Variants in VPS13A observed in about 807,000 individuals in gnomAD.
VPS13A encodes vacuolar protein sorting 13 homolog A.
A neutral mutation model predicts 390.9 loss-of-function variants in VPS13A; 264 were observed. The observed-to-expected ratio is 0.68, with a 90% CI of 0.61 to 0.75. The LOEUF (loss-of-function observed/expected upper bound fraction) is 0.75. Ranked by LOEUF, VPS13A falls within the 30% of genes least tolerant of loss-of-function variation. The pLI, the probability that VPS13A is intolerant of heterozygous loss-of-function variation, is 0.00. For missense variants in VPS13A, 3,409 were observed against 3,733.9 expected (o/e 0.91, Z 2.27); for synonymous variants, 1,231 against 1,227.1 (o/e 1.00, Z -0.07).
chr9:77,337,008 A>T (rs1222459410), intron 46 of VPS13A, among the ~76,000 whole-genome samples: 1 of 151,906 alleles, frequency 6.6e-6, no homozygotes, highest in Non-Finnish European at 1.5e-5. Context: ...CGTCTTAGCC[A>T]GGATGGTCTC....
chr9:77,315,557 A>C, intron 38 of VPS13A, 87 bp downstream of exon 38: 1 of 1,256,916 alleles, frequency 8.0e-7, no homozygotes, highest in South Asian at 1.3e-5. Flanking sequence ...AGATCATCAA[A>C]GTAAATGCTT....
intron 23 of VPS13A, among the ~76,000 whole-genome samples, chr9:77,271,019 A>G (rs769399789): frequency 3.9e-5 from 6 of 152,216 alleles, no homozygotes; most frequent in Non-Finnish European, 7.3e-5. Context: ...ATTGGACTTT[A>G]TAAAAATTAA....
chr9:77,203,766 A>G (rs1391227229), intron 3 of VPS13A, among the ~76,000 whole-genome samples: 1 of 152,178 alleles, frequency 6.6e-6, no homozygotes, highest in Non-Finnish European at 1.5e-5. Flanking sequence ...TAACCGTGTC[A>G]AATTTGTTAC....
In VPS13A at chr9:77,293,261, A is replaced by AT; in HGVS notation, c.3340-74dup. 2.3e-6 allele frequency: 3 copies of AT among 1,300,412 alleles called. No homozygotes were observed. In the Admixed American group the frequency reaches 5.5e-5, roughly 24 times the overall value. The allele number at this position is 1,300,412 out of a possible 1,614,324, so 80.6% of individuals were successfully genotyped here. On this transcript the variant is annotated intron_variant, in intron 31 of 71. Transcript: ENST00000360280. ...GGAGATTTTCTAACTATGTTTTGTT[A>AT]TTTTTTACTGTTTTATTTTTGTACT...
At position 77,321,340 on chromosome 9, in the gene VPS13A, A is replaced by T. The variant is rs1829732822; in HGVS notation, c.5574+13A>T. On this transcript the variant is annotated intron_variant, in intron 43 of 71. Coordinates refer to ENST00000360280, the MANE Select transcript of VPS13A (RefSeq NM_033305.3). ...CAATTTAGTCAAGGTAAGAAAAGAA[A>T]TTTGAAACTTTAAATATTGAGATAC... The T allele has an allele frequency of 6.3e-7, 1 of 1,598,026 alleles. No individual in the cohort carries two copies. Among genetic ancestry groups the T allele is most frequent in the Admixed American group, 1.7e-5 (1 of 59,270 alleles).
chr9:77,198,589 C>T (rs971754667), intron 1 of VPS13A, among the ~76,000 whole-genome samples: 2 of 152,098 alleles, frequency 1.3e-5, no homozygotes, highest in African/African-American at 4.8e-5. Flanking sequence ...TGCTTTTGAC[C>T]TATGAGTGTC....
chr9:77,356,629 G>A (rs912072442), intron 54 of VPS13A, 85 bp from the exon 55 acceptor site: 4 of 1,417,946 alleles, frequency 2.8e-6, no homozygotes, highest in Non-Finnish European at 2.9e-6. Flanking sequence ...TTTAGTGAAG[G>A]TATTGTAATT....
chr9:77,265,213 G>T (rs1315590105), intron 23 of VPS13A, among the ~76,000 whole-genome samples: 2 of 152,176 alleles, frequency 1.3e-5, no homozygotes, highest in Non-Finnish European at 1.5e-5. Context: ...GTTTATTGAG[G>T]ATTTTCACAT....
intron 67 of VPS13A, among the ~76,000 whole-genome samples, chr9:77,372,718 T>C (rs1832848564): frequency 6.6e-6 from 1 of 152,156 alleles, no homozygotes; most frequent in Non-Finnish European, 1.5e-5. Flanking sequence ...GACGACATGA[T>C]TGTATATCTA....
rs530199494 is a variant in VPS13A, at chr9:77,241,303, T to G, written c.1900+2917T>G. On this transcript the variant is annotated intron_variant, in intron 19 of 71. Transcript: ENST00000360280. ...CCTTCTGTAGCCATGCCCAATGTGG[T>G]ATCAAATCTCTTCATTAAGTTTAAT... Among the ~76,000 whole-genome samples, 64 of 152,294 alleles carry G rather than the reference T, an allele frequency of 4.2e-4. 1 individual carries two copies. The South Asian group carries it at 0.013, about 31-fold the overall frequency.
intron 68 of VPS13A, among the ~76,000 whole-genome samples, chr9:77,399,167 T>TAAAAAAATAAAAATAAAAAA (rs1834246521): frequency 1.2e-5 from 1 of 86,126 alleles, no homozygotes; most frequent in African/African-American, 4.1e-5. Context: ...TAGAGTATAA[T>TAAAAAAATAAAAATAAAAAA]AAAAAAAAAA....
At chr9:77,285,519 A>G (rs1439699197) in intron 31 of VPS13A, among the ~76,000 whole-genome samples, 3 of 152,218 alleles carry the variant, frequency 2.0e-5, no homozygotes, top group African/African-American at 7.2e-5. Flanking sequence ...AAATATTTTG[A>G]AAGTAAAGGC....
At chr9:77,226,081 G>C (rs1823490339) in intron 14 of VPS13A, 93 bp downstream of exon 14, 2 of 1,232,136 alleles carry the variant, frequency 1.6e-6, no homozygotes, top group Admixed American at 4.3e-5. Context: ...GTAACATATT[G>C]TTTCCAAAAA....
chr9:77,372,241 T>G (rs972964823), intron 67 of VPS13A, among the ~76,000 whole-genome samples: 17 of 151,766 alleles, frequency 1.1e-4, no homozygotes, highest in Admixed American at 2.0e-4. Flanking sequence ...ACTTCCACAA[T>G]GGTTGAACTA....
In VPS13A at chr9:77,407,659, T is replaced by TGTAA. The variant is rs762601234; in HGVS notation, c.9474+55_9474+58dup. ...ATAGGAGCTGCTCACTTCAAAATCA[T>TGTAA]GTAAGTGGACTATTTTTTAATGCAG... On this transcript the variant is annotated intron_variant, in intron 71 of 71. Coordinates refer to ENST00000360280, the MANE Select transcript of VPS13A (RefSeq NM_033305.3). 7 of 1,337,598 alleles carry TGTAA rather than the reference T, an allele frequency of 5.2e-6. No individual in the cohort carries two copies. The Admixed American group carries it at 7.1e-5, about 13-fold the overall frequency. The allele number at this position is 1,337,598 out of a possible 1,614,324, so 82.9% of individuals were successfully genotyped here. A position where few individuals can be genotyped will look rare whatever the true frequency, so the allele number is the denominator to read the frequency against.
intron 1 of VPS13A, among the ~76,000 whole-genome samples, chr9:77,198,520 C>T (rs1825133341): frequency 6.6e-6 from 1 of 151,996 alleles, no homozygotes; most frequent in Non-Finnish European, 1.5e-5. Flanking sequence ...TTAGTGATGC[C>T]CAGGTATCTT....
intron 28 of VPS13A, 30 bp from the exon 29 acceptor site, chr9:77,282,091 C>G (rs367579976): frequency 1.2e-6 from 2 of 1,607,830 alleles, no homozygotes; most frequent in South Asian, 2.2e-5. Flanking sequence ...TATTTATTGA[C>G]CTATCACTAA....
chr9:77,344,727 C>G (rs1831052237), intron 51 of VPS13A, among the ~76,000 whole-genome samples: 1 of 151,612 alleles, frequency 6.6e-6, no homozygotes, highest in South Asian at 2.1e-4. Context: ...CCACTGCACT[C>G]CAGCCTAGGC....
chr9:77,344,282 G>A lies in VPS13A; in HGVS notation c.7155+1G>A. On this transcript the variant is annotated splice_donor_variant, in intron 51 of 71. Transcript: ENST00000360280. LOFTEE classifies it high-confidence loss of function. ...TATTCTATTGCGTCTAGATAACGAG[G>A]TAAGTTTTTTTTTCTTTTTTGCATG... The A allele has an allele frequency of 6.2e-7, 1 of 1,612,836 alleles. No individual in the cohort carries two copies. The highest frequency in any genetic ancestry group is 8.5e-7 in the Non-Finnish European group (1 of 1,179,420).
Sources: gnomAD v4.1 joint callset for allele counts (sites outside exome capture counted in the v4.1 genomes callset) on GRCh38, gnomAD v4.1.1 for gene constraint, MANE v1.5 for transcripts, NCBI Gene and HGNC (gene_info 2026-07-23, HGNC 2026-07-21) for gene names.